The following THSD7B variants were observed in gnomAD, a reference collection of about 807,000 sequenced individuals.
THSD7B encodes thrombospondin type 1 domain containing 7B.
In THSD7B, 138 loss-of-function variants were observed where a neutral mutation model predicts 213.6. The ratio of observed to expected loss-of-function variants is 0.65; its 90% CI spans 0.56 to 0.74. The LOEUF (loss-of-function observed/expected upper bound fraction) is 0.74. Ranked by LOEUF, THSD7B falls within the 30% of genes least tolerant of loss-of-function variation. The pLI is 0.00. For missense variants in THSD7B, 1,931 were observed against 1,991.5 expected (o/e 0.97, Z 0.58); for synonymous variants, 742 against 687.0 (o/e 1.08, Z -1.25).
chr2:137,549,442 A>G (rs915271113), intron 15 of THSD7B, among the ~76,000 whole-genome samples: 1 of 150,948 alleles, frequency 6.6e-6, no homozygotes, highest in Non-Finnish European at 1.5e-5. Context: ...ACTAGACTCT[A>G]AACAGTATCT....
Position 137,022,313 on chromosome 2 carries a change from A to AG in THSD7B, c.140-34107_140-34106insG, listed in dbSNP as rs377737736. Among the ~76,000 whole-genome samples the AG allele has an allele frequency of 4.5e-3, 687 of 152,314 alleles. 1 individual carries two copies. Among genetic ancestry groups the AG allele is most frequent in the Non-Finnish European group, 7.7e-3 (527 of 68,016 alleles). ...TTGCATTCTCACTAGTAATGTACGA[A>AG]TGAGTCAGTTTCTCTGCATCTTTAC... is the stretch of plus-strand genomic sequence containing the variant. On this transcript the variant is annotated intron_variant, in intron 2 of 27. Transcript: ENST00000409968.
Position 137,659,715 on chromosome 2 carries a change from C to G in THSD7B, c.4427C>G (p.Ala1476Gly). The G allele has an allele frequency of 6.2e-7, 1 of 1,604,526 alleles. No individual in the cohort carries two copies. The highest frequency in any genetic ancestry group is 8.5e-7 in the Non-Finnish European group (1 of 1,175,276). The change falls in exon 25 of 28, where the codon GCC (alanine) becomes GGC (glycine). Residue 1476 changes from alanine (A) to glycine (G), a missense_variant. Physicochemically the swap from Ala to Gly is moderately conservative, Grantham distance 60. Coordinates refer to ENST00000409968, the MANE Select transcript of THSD7B (RefSeq NM_001316349.2). Reference protein sequence around the residue: ...RPAAIRQCIPACRKPFSYCTQ... With the variant: ...RPAAIRQCIPGCRKPFSYCTQ... Reference sequence around the variant, plus strand: ...GCTGCCATTCGGCAGTGCATTCCAGCCTGCAGAAAACCTTTCTCCTACTGT... The same window carrying G: ...GCTGCCATTCGGCAGTGCATTCCAGGCTGCAGAAAACCTTTCTCCTACTGT...
intron 2 of THSD7B, among the ~76,000 whole-genome samples, chr2:136,926,505 C>A (rs1175220707): frequency 1.3e-5 from 2 of 151,944 alleles, no homozygotes; most frequent in Non-Finnish European, 2.9e-5. Flanking sequence ...CCAGTCTGGG[C>A]AACGTGGCAA....
intron 10 of THSD7B, among the ~76,000 whole-genome samples, chr2:137,248,012 C>T (rs1682081294): frequency 6.6e-6 from 1 of 151,984 alleles, no homozygotes; most frequent in East Asian, 1.9e-4. Flanking sequence ...TAATCTCAAC[C>T]CCATTGAGTT....
Position 137,160,250 on chromosome 2 carries a change from C to T in THSD7B, c.1407C>T (p.Pro469=), listed in dbSNP as rs1209611643. ...RPVEKALCVG[P]APLPSQLCNI... ...TGGAAAAGGCATTATGTGTGGGACC[C>T]GCCCCGTTGCCCTCTCAGCTCTGCA... is the stretch of plus-strand genomic sequence containing the variant. The change falls in exon 6 of 28, where the codon CCC becomes CCT. Residue 469 remains proline, a synonymous_variant. Transcript: ENST00000409968. 5.6e-6 allele frequency: 9 copies of T among 1,613,570 alleles called. No individual in the cohort carries two copies. The highest frequency in any genetic ancestry group is 4.0e-5 in the African/African-American group (3 of 75,016).
intron 3 of THSD7B, among the ~76,000 whole-genome samples, chr2:137,068,432 T>G (rs961363537): frequency 6.6e-6 from 1 of 152,128 alleles, no homozygotes; most frequent in Non-Finnish European, 1.5e-5. Context: ...TTTCTACTTC[T>G]GTAACTTTCA....
At chr2:137,527,003 A>G (rs1306350174) in intron 15 of THSD7B, among the ~76,000 whole-genome samples, 1 of 152,144 alleles carries the variant, frequency 6.6e-6, no homozygotes, top group Non-Finnish European at 1.5e-5. Context: ...AAAACCTTCT[A>G]CCTTCCTTAG....
chr2:136,882,744 T>C (rs778523235), intron 2 of THSD7B, among the ~76,000 whole-genome samples: 7 of 152,214 alleles, frequency 4.6e-5, no homozygotes, highest in Non-Finnish European at 8.8e-5. Context: ...AGATCTTCTA[T>C]GTCTAGGTTT....
At chr2:137,398,182 T>G (rs1339748827) in intron 12 of THSD7B, among the ~76,000 whole-genome samples, 1 of 150,472 alleles carries the variant, frequency 6.6e-6, no homozygotes, top group African/African-American at 2.4e-5. Context: ...TCATTCTCCA[T>G]CCAGCTTTGT....
intron 2 of THSD7B, among the ~76,000 whole-genome samples, chr2:136,999,509 T>A (rs1024773325): frequency 1.3e-4 from 20 of 152,022 alleles, no homozygotes; most frequent in African/African-American, 4.6e-4. Flanking sequence ...CTTATCCCTT[T>A]TGTGTGTCAA....
intron 14 of THSD7B, among the ~76,000 whole-genome samples, chr2:137,416,796 G>T (rs1313656978): frequency 6.6e-6 from 1 of 152,170 alleles, no homozygotes; most frequent in Non-Finnish European, 1.5e-5. Flanking sequence ...AGAAAACCTT[G>T]TTCTATTTTG....
At chr2:137,390,873 A>T (rs935068443) in intron 12 of THSD7B, among the ~76,000 whole-genome samples, 1 of 152,172 alleles carries the variant, frequency 6.6e-6, no homozygotes, top group Admixed American at 6.5e-5. Flanking sequence ...CATCCCTAGC[A>T]AGAAACCCAC....
intron 3 of THSD7B, 75 bp downstream of exon 3, chr2:137,057,305 A>G: frequency 7.4e-7 from 1 of 1,357,792 alleles, no homozygotes. Flanking sequence ...CTTCTTTATG[A>G]TTTTCTACAA....
At position 137,411,599 on chromosome 2, in the gene THSD7B, G is replaced by T. The variant is rs1686653920; in HGVS notation, c.2696-10G>T. On this transcript the variant is annotated splice_polypyrimidine_tract_variant and intron_variant, in intron 13 of 27. Transcript: ENST00000409968. ...AGCATTTAATATCTTAATGTCTCTT[G>T]TTGGAACAGGGAAAAGCAGAAAGAA... 1 of 1,604,038 alleles carries T rather than the reference G, an allele frequency of 6.2e-7. No homozygotes were observed. Among genetic ancestry groups the T allele is most frequent in the Non-Finnish European group, 8.5e-7 (1 of 1,173,724 alleles).
intron 2 of THSD7B, among the ~76,000 whole-genome samples, chr2:136,912,348 A>AAT (rs60594013): frequency 2.7e-5 from 4 of 148,882 alleles, no homozygotes; most frequent in Non-Finnish European, 4.5e-5. Context: ...AAAAAAAAAA[A>AAT]GGAGAGAGGA....
chr2:137,370,495 G>A (rs137861664), intron 12 of THSD7B, among the ~76,000 whole-genome samples: 1 of 152,204 alleles, frequency 6.6e-6, no homozygotes, highest in African/African-American at 2.4e-5. Flanking sequence ...TTTAGACAGA[G>A]TCTCACTCTG....
intron 12 of THSD7B, among the ~76,000 whole-genome samples, chr2:137,375,624 A>G (rs1347262261): frequency 6.6e-6 from 1 of 152,196 alleles, no homozygotes; most frequent in East Asian, 1.9e-4. Context: ...GATCCTCTGA[A>G]TCCACCATTA....
chr2:137,308,911 G>A (rs189237964), intron 12 of THSD7B, among the ~76,000 whole-genome samples: 61 of 152,024 alleles, frequency 4.0e-4, no homozygotes, highest in Non-Finnish European at 6.5e-4. Context: ...GCTTCATTTT[G>A]TTGTAACCAG....
chr2:137,088,608 TAA>T (rs55700826), intron 3 of THSD7B, among the ~76,000 whole-genome samples: 250 of 141,120 alleles, frequency 1.8e-3, no homozygotes, highest in African/African-American at 5.3e-3. Context: ...GCAAATGCAA[TAA>T]AAAAAAAAAA....
Sources: gnomAD v4.1 joint callset for allele counts (sites outside exome capture counted in the v4.1 genomes callset) on GRCh38, gnomAD v4.1.1 for gene constraint, MANE v1.5 for transcripts, NCBI Gene and HGNC (gene_info 2026-07-23, HGNC 2026-07-21) for gene names.